Variants in CNTNAP5 observed in about 807,000 individuals in gnomAD.
CNTNAP5 encodes the protein contactin-associated protein-like 5.
CNTNAP5 carries 72 observed loss-of-function variants against 150.2 expected under a neutral mutation model. That is an observed-to-expected ratio of 0.48 (90% confidence interval 0.40 to 0.58). CNTNAP5 has a LOEUF of 0.58. Among genes scored for constraint, CNTNAP5 ranks in the 20% least tolerant of loss-of-function variants. The pLI, the probability that CNTNAP5 is intolerant of heterozygous loss-of-function variation, is 0.00. For synonymous variants in CNTNAP5, 672 were observed against 619.8 expected (o/e 1.08, Z -1.25); for missense variants, 1,636 against 1,626.2 (o/e 1.01, Z -0.10).
At chr2:124,876,912 G>A (rs1054947199) in intron 21 of CNTNAP5, among the ~76,000 whole-genome samples, 12 of 152,026 alleles carry the variant, frequency 7.9e-5, no homozygotes, top group Admixed American at 7.9e-4. Context: ...GTGTGTTTTA[G>A]AGCATCCTGA....
At chr2:124,158,391 C>T (rs1171071508) in intron 1 of CNTNAP5, among the ~76,000 whole-genome samples, 2 of 152,158 alleles carry the variant, frequency 1.3e-5, no homozygotes, top group Non-Finnish European at 2.9e-5. Flanking sequence ...ATAACCTACG[C>T]ACATCTTCCC....
intron 6 of CNTNAP5, among the ~76,000 whole-genome samples, chr2:124,460,142 T>C (rs1019276706): frequency 5.3e-5 from 8 of 152,190 alleles, no homozygotes; most frequent in South Asian, 4.1e-4. Context: ...AAACAGTTTT[T>C]TTGTGTTTAA....
chr2:124,387,106 T>C (rs898156248), intron 3 of CNTNAP5, among the ~76,000 whole-genome samples: 3 of 152,168 alleles, frequency 2.0e-5, no homozygotes, highest in African/African-American at 7.2e-5. Context: ...TAAATGTGTA[T>C]TGTTATGTTT....
intron 1 of CNTNAP5, among the ~76,000 whole-genome samples, chr2:124,205,491 T>C (rs1316135240): frequency 6.6e-6 from 1 of 151,540 alleles, no homozygotes; most frequent in Non-Finnish European, 1.5e-5. Context: ...CCGTCTCAGC[T>C]CACTGCAACC....
At chr2:124,073,651 C>G (rs919722170) in intron 1 of CNTNAP5, among the ~76,000 whole-genome samples, 3 of 151,862 alleles carry the variant, frequency 2.0e-5, no homozygotes, top group African/African-American at 7.2e-5. Flanking sequence ...CATCTCACCC[C>G]AGTTAAAATT....
Position 124,914,224 on chromosome 2 carries a change from C to G in CNTNAP5, c.3860C>G (p.Ser1287Cys). 6.2e-7 allele frequency: 1 copy of G among 1,612,486 alleles called. No individual in the cohort carries two copies. Among genetic ancestry groups the G allele is most frequent in the Non-Finnish European group, 8.5e-7 (1 of 1,178,998 alleles). The change falls in exon 24 of 24, where the codon TCC (serine) becomes TGC (cysteine). Residue 1287 changes from serine to cysteine, a missense_variant. By Grantham distance (112) the Ser-to-Cys change is moderately radical (BLOSUM62 -1). Transcript: ENST00000682447. ...EKEYPENLDS[S>C]FRNEIDLQNT... ...GAATATCCAGAAAATTTGGACAGTT[C>G]CTTCAGAAATGAAATTGACTTGCAA...
At chr2:124,419,684 G>A (rs914422450) in intron 4 of CNTNAP5, among the ~76,000 whole-genome samples, 8 of 152,084 alleles carry the variant, frequency 5.3e-5, no homozygotes, top group Non-Finnish European at 1.0e-4. Flanking sequence ...GGGAGTTGTC[G>A]GACACAGAAT....
At chr2:124,777,383 T>G (rs1681347257) in intron 17 of CNTNAP5, among the ~76,000 whole-genome samples, 1 of 152,132 alleles carries the variant, frequency 6.6e-6, no homozygotes, top group Non-Finnish European at 1.5e-5. Context: ...CTCGCTATTA[T>G]ATATTTTTTG....
At chr2:124,423,411 T>C (rs1028575258) in intron 4 of CNTNAP5, among the ~76,000 whole-genome samples, 4 of 152,160 alleles carry the variant, frequency 2.6e-5, no homozygotes, top group Non-Finnish European at 4.4e-5. Context: ...TATCCAAGGA[T>C]TTCAGCACCT....
chr2:124,140,427 C>T (rs1431904839), intron 1 of CNTNAP5, among the ~76,000 whole-genome samples: 7 of 136,116 alleles, frequency 5.1e-5, no homozygotes, highest in South Asian at 2.6e-4. Flanking sequence ...TCTCCCAGCA[C>T]GCAGCTGGAG....
chr2:124,771,395 A>C (rs1473818764), intron 16 of CNTNAP5, among the ~76,000 whole-genome samples: 1 of 152,142 alleles, frequency 6.6e-6, no homozygotes, highest in Non-Finnish European at 1.5e-5. Flanking sequence ...AACACAAGAC[A>C]ATATACTCAA....
At chr2:124,423,334 C>T (rs1171333758) in intron 4 of CNTNAP5, among the ~76,000 whole-genome samples, 1 of 151,802 alleles carries the variant, frequency 6.6e-6, no homozygotes, top group Non-Finnish European at 1.5e-5. Flanking sequence ...ATTTTTTTTT[C>T]CCACTCTTAC....
At chr2:124,123,812 G>T (rs778742452) in intron 1 of CNTNAP5, among the ~76,000 whole-genome samples, 12 of 152,136 alleles carry the variant, frequency 7.9e-5, no homozygotes, top group Non-Finnish European at 1.5e-4. Flanking sequence ...TGGACCTCCA[G>T]CAAACTCCAA....
At chr2:124,584,914 G>A (rs754027675) in intron 11 of CNTNAP5, among the ~76,000 whole-genome samples, 1 of 152,214 alleles carries the variant, frequency 6.6e-6, no homozygotes, top group African/African-American at 2.4e-5. Context: ...ACAAACATCA[G>A]ATTTACAGAT....
intron 3 of CNTNAP5, among the ~76,000 whole-genome samples, chr2:124,259,374 G>A (rs184083986): frequency 0.011 from 1,673 of 152,250 alleles, 28 homozygotes; most frequent in African/African-American, 0.036. Context: ...TATATACCCA[G>A]TAATGGGATG....
intron 10 of CNTNAP5, among the ~76,000 whole-genome samples, chr2:124,539,277 C>T (rs1335279135): frequency 3.3e-5 from 5 of 152,128 alleles, no homozygotes; most frequent in African/African-American, 9.7e-5. Context: ...CCAATTAGGC[C>T]TTGTGGGTTT....
At chr2:124,305,849 C>T (rs1245611336) in intron 3 of CNTNAP5, among the ~76,000 whole-genome samples, 1 of 152,132 alleles carries the variant, frequency 6.6e-6, no homozygotes, top group Non-Finnish European at 1.5e-5. Context: ...AATAAATTAC[C>T]TAATATTTTT....
At chr2:124,164,659 C>T (rs76443347) in intron 1 of CNTNAP5, among the ~76,000 whole-genome samples, 4,018 of 152,100 alleles carry the variant, frequency 0.026, 195 homozygotes, top group African/African-American at 0.091. Context: ...ATTGGAAATA[C>T]GGAAGAGAAA....
At chr2:124,400,186 T>C (rs755248608) in intron 3 of CNTNAP5, among the ~76,000 whole-genome samples, 17 of 151,898 alleles carry the variant, frequency 1.1e-4, no homozygotes, top group Non-Finnish European at 1.8e-4. Flanking sequence ...GGGCCACCTG[T>C]TCTGCTTGAG....
Sources: gnomAD v4.1 joint callset for allele counts (sites outside exome capture counted in the v4.1 genomes callset) on GRCh38, gnomAD v4.1.1 for gene constraint, MANE v1.5 for transcripts, NCBI Gene and HGNC (gene_info 2026-07-23, HGNC 2026-07-21) for gene names.